Variants in IKZF2 observed in about 807,000 individuals in gnomAD.
IKZF2 encodes IKAROS family zinc finger 2, also known as zinc finger protein Helios.
A neutral mutation model predicts 49.2 loss-of-function variants in IKZF2; 15 were observed. That is an observed-to-expected ratio of 0.30 (90% CI 0.20 to 0.47). The LOEUF (loss-of-function observed/expected upper bound fraction) is 0.47, where lower values mean the gene tolerates loss of function less well. IKZF2 is among the 20% of genes least tolerant of loss of function. IKZF2 has a pLI of 1.00. For synonymous variants in IKZF2, 227 were observed against 221.4 expected (o/e 1.03, Z -0.23); for missense variants, 567 against 664.6 (o/e 0.85, Z 1.61).
intron 4 of IKZF2, among the ~76,000 whole-genome samples, chr2:213,095,526 A>C (rs1268702666): frequency 6.6e-6 from 1 of 152,104 alleles, no homozygotes; most frequent in East Asian, 1.9e-4. Context: ...AGATTTATCT[A>C]GACACTGAAA....
intron 6 of IKZF2, among the ~76,000 whole-genome samples, chr2:213,024,102 TATTTTAAA>T (rs1697532725): frequency 6.6e-6 from 1 of 152,154 alleles, no homozygotes; most frequent in Non-Finnish European, 1.5e-5. Context: ...TTTTGTCCTC[TATTTTAAA>T]GCATCACTCC....
intron 4 of IKZF2, among the ~76,000 whole-genome samples, chr2:213,087,496 A>G (rs1704769009): frequency 6.6e-6 from 1 of 152,092 alleles, no homozygotes; most frequent in East Asian, 1.9e-4. Flanking sequence ...TCCATTACTA[A>G]TTTATTTTTT....
intron 8 of IKZF2, among the ~76,000 whole-genome samples, chr2:213,012,856 A>G (rs1177766364): frequency 6.6e-6 from 1 of 152,080 alleles, no homozygotes; most frequent in Non-Finnish European, 1.5e-5. Context: ...CTAGAATGTC[A>G]GAATCTGTTT....
intron 4 of IKZF2, among the ~76,000 whole-genome samples, chr2:213,122,992 C>T (rs2060107922): frequency 6.6e-6 from 1 of 152,202 alleles, no homozygotes; most frequent in Non-Finnish European, 1.5e-5. Flanking sequence ...CGGCACAATT[C>T]CATATCCAAT....
intron 7 of IKZF2, among the ~76,000 whole-genome samples, chr2:213,018,614 C>T (rs1169704613): frequency 1.3e-5 from 2 of 152,096 alleles, no homozygotes; most frequent in East Asian, 1.9e-4. Context: ...AATTTGGTTA[C>T]CCTAGTGGCC....
At chr2:213,089,429 T>C (rs1705044349) in intron 4 of IKZF2, among the ~76,000 whole-genome samples, 1 of 152,120 alleles carries the variant, frequency 6.6e-6, no homozygotes. Context: ...TTGTCCACTC[T>C]CCACATGGGA....
At chr2:213,138,580 C>A (rs1216954797) in intron 4 of IKZF2, among the ~76,000 whole-genome samples, 1 of 151,940 alleles carries the variant, frequency 6.6e-6, no homozygotes, top group Admixed American at 6.6e-5. Flanking sequence ...TTACAGGGCT[C>A]CTACAATGCA....
chr2:213,124,238 GCTCGCGCGCGCGCGCACACACACACA>G (rs2060156362), intron 4 of IKZF2, among the ~76,000 whole-genome samples: 6 of 117,434 alleles, frequency 5.1e-5, no homozygotes, highest in East Asian at 6.6e-4. Context: ...GCACACATGC[GCTCGCGCGCGCGCGCACACACACACA>G]CACACACACA....
chr2:213,023,320 C>T (rs1486738920), intron 6 of IKZF2, among the ~76,000 whole-genome samples: 6 of 152,120 alleles, frequency 3.9e-5, no homozygotes, highest in African/African-American at 1.4e-4. Context: ...TTTCACTGTA[C>T]TGATGAAAAA....
At chr2:213,062,410 T>A (rs988967327) in intron 4 of IKZF2, among the ~76,000 whole-genome samples, 1 of 151,806 alleles carries the variant, frequency 6.6e-6, no homozygotes, top group Non-Finnish European at 1.5e-5. Context: ...TTATAGAGTA[T>A]AAAATAAGCT....
At chr2:213,087,193 A>G (rs909911461) in intron 4 of IKZF2, among the ~76,000 whole-genome samples, 6 of 151,916 alleles carry the variant, frequency 3.9e-5, no homozygotes, top group Admixed American at 1.3e-4. Context: ...AGAGCAGAGG[A>G]AAAAAAATGC....
intron 4 of IKZF2, among the ~76,000 whole-genome samples, chr2:213,122,097 G>A (rs1003137822): frequency 1.3e-5 from 2 of 151,838 alleles, no homozygotes; most frequent in Non-Finnish European, 3.0e-5. Context: ...AAGACAGACA[G>A]AGAGACAGAG....
chr2:213,094,408 G>C (rs941306178), intron 4 of IKZF2, among the ~76,000 whole-genome samples: 1 of 152,136 alleles, frequency 6.6e-6, no homozygotes, highest in South Asian at 2.1e-4. Context: ...AATAGCAAGA[G>C]AGAGCTGGCA....
chr2:213,056,063 C>A (rs774787220), intron 5 of IKZF2, among the ~76,000 whole-genome samples: 1 of 151,984 alleles, frequency 6.6e-6, no homozygotes, highest in African/African-American at 2.4e-5. Flanking sequence ...TATCTCATTT[C>A]TGTTGCTTTT....
chr2:213,056,737 T>A (rs941500867), intron 5 of IKZF2, 96 bp downstream of exon 5: 5 of 1,461,568 alleles, frequency 3.4e-6, no homozygotes, highest in Non-Finnish European at 3.8e-6. Context: ...TTTTCACCAC[T>A]GCCACCCCTG....
At chr2:213,015,693 AAC>A (rs766163111) in intron 7 of IKZF2, among the ~76,000 whole-genome samples, 8 of 152,006 alleles carry the variant, frequency 5.3e-5, no homozygotes, top group African/African-American at 1.9e-4. Flanking sequence ...TATTAGAAAT[AAC>A]AATAAAACTA....
At position 213,145,457 on chromosome 2, in the gene IKZF2, A is replaced by T. The variant is rs576503920; in HGVS notation, c.139+2251T>A. On this transcript the variant is annotated intron_variant, in intron 4 of 8. Coordinates refer to ENST00000434687, the MANE Select transcript of IKZF2 (RefSeq NM_001387220.1). Reference sequence around the variant, plus strand: ...AATGCATGTAAAGGGATTTAGGAAAACCGGTGATCTCAGACACAAGTGATT... The same window carrying T: ...AATGCATGTAAAGGGATTTAGGAAATCCGGTGATCTCAGACACAAGTGATT... Among the ~76,000 whole-genome samples, 24 of 152,174 alleles carry T rather than the reference A, an allele frequency of 1.6e-4. No homozygotes were observed. The East Asian group carries it at 2.5e-3, about 16-fold the overall frequency.
At chr2:213,094,408 G>T (rs941306178) in intron 4 of IKZF2, among the ~76,000 whole-genome samples, 1 of 152,136 alleles carries the variant, frequency 6.6e-6, no homozygotes, top group Non-Finnish European at 1.5e-5. Context: ...AATAGCAAGA[G>T]AGAGCTGGCA....
intron 4 of IKZF2, among the ~76,000 whole-genome samples, chr2:213,118,092 G>A (rs1253044799): frequency 6.6e-6 from 1 of 152,058 alleles, no homozygotes; most frequent in Non-Finnish European, 1.5e-5. Context: ...GACAATCTCT[G>A]TTACATTAAT....
Sources: allele counts gnomAD v4.1 joint callset (sites outside exome capture counted in the v4.1 genomes callset), GRCh38; gene constraint gnomAD v4.1.1; transcripts MANE v1.5; gene names NCBI Gene and HGNC (gene_info 2026-07-23, HGNC 2026-07-21).